MYO16: variants seen among roughly 807,000 people sequenced by gnomAD.
MYO16 encodes myosin XVI.
Under a neutral mutation model 205.3 loss-of-function variants are expected in MYO16, and 94 were observed. The observed-to-expected ratio is 0.46, with a 90% CI of 0.39 to 0.54. The LOEUF (loss-of-function observed/expected upper bound fraction) is 0.54. MYO16 is among the 20% of genes least tolerant of loss of function. The probability of loss-of-function intolerance (pLI) is 0.00; values close to 1 mark genes in which losing one functional copy is unlikely to be tolerated. For missense variants in MYO16, 2,315 were observed against 2,387.5 expected, an observed-to-expected ratio of 0.97 and a Z score of 0.63; for synonymous variants, 988 against 954.0, an observed-to-expected ratio of 1.04 and a Z score of -0.66.
At chr13:108,670,686 A>G (rs1262865902) in intron 2 of MYO16, among the ~76,000 whole-genome samples, 1 of 152,226 alleles carries the variant, frequency 6.6e-6, no homozygotes, top group Non-Finnish European at 1.5e-5. Context: ...AATTTCAGTA[A>G]TGGTTCGGCA....
At chr13:108,680,629 C>T (rs7989335) in intron 2 of MYO16, among the ~76,000 whole-genome samples, 3,512 of 152,246 alleles carry the variant, frequency 0.023, 120 homozygotes, top group African/African-American at 0.079. Context: ...TAATCCATAG[C>T]TTATGTTTCT....
chr13:109,023,248 AT>A, intron 23 of MYO16, among the ~76,000 whole-genome samples: 1 of 107,258 alleles, frequency 9.3e-6, no homozygotes, highest in Admixed American at 1.3e-4. Context: ...ATAAATATAT[AT>A]ATTTATATAT....
intron 4 of MYO16, among the ~76,000 whole-genome samples, chr13:108,765,164 C>T (rs1379529653): frequency 2.3e-5 from 3 of 132,446 alleles, no homozygotes; most frequent in East Asian, 3.4e-4. Context: ...TATAGCCTAT[C>T]CTTTCATATG....
chr13:109,056,667 G>C (rs1009542533), intron 27 of MYO16, among the ~76,000 whole-genome samples: 18 of 152,072 alleles, frequency 1.2e-4, no homozygotes, highest in Admixed American at 9.2e-4. Flanking sequence ...ATATTACAAA[G>C]TGTTACAGAA....
intron 28 of MYO16, among the ~76,000 whole-genome samples, chr13:109,117,385 C>CGT (rs952693213): frequency 7.1e-6 from 1 of 140,758 alleles, no homozygotes; most frequent in African/African-American, 2.7e-5. Flanking sequence ...ATAATATATG[C>CGT]GTGTGTATAT....
chr13:109,098,217 G>A (rs958163613), intron 27 of MYO16, among the ~76,000 whole-genome samples: 3 of 152,144 alleles, frequency 2.0e-5, no homozygotes, highest in Non-Finnish European at 4.4e-5. Context: ...TTGCGGTTCA[G>A]GCGTGAATAT....
At chr13:108,902,137 T>C (rs544925246) in intron 15 of MYO16, among the ~76,000 whole-genome samples, 1 of 152,306 alleles carries the variant, frequency 6.6e-6, no homozygotes, top group South Asian at 2.1e-4. Flanking sequence ...TTATGCGTAC[T>C]ATAAAGAGCA....
At chr13:108,975,208 A>G (rs1884208183) in intron 20 of MYO16, among the ~76,000 whole-genome samples, 1 of 151,754 alleles carries the variant, frequency 6.6e-6, no homozygotes, top group Admixed American at 6.6e-5. Context: ...TTTTATTAAA[A>G]AGGCCACTAT....
At chr13:108,960,178 A>G (rs1301400196) in intron 17 of MYO16, among the ~76,000 whole-genome samples, 2 of 150,992 alleles carry the variant, frequency 1.3e-5, no homozygotes, top group African/African-American at 2.4e-5. Context: ...AAGAGGCTGA[A>G]GTGGGAGGAT....
At chr13:109,178,788 A>G (rs540696925) in intron 33 of MYO16, among the ~76,000 whole-genome samples, 42 of 152,290 alleles carry the variant, frequency 2.8e-4, no homozygotes, top group African/African-American at 9.6e-4. Flanking sequence ...GGTGGAGGTC[A>G]GGGATGCATG....
chr13:108,957,126 C>G (rs757959912), intron 16 of MYO16, among the ~76,000 whole-genome samples: 3 of 152,126 alleles, frequency 2.0e-5, no homozygotes, highest in Non-Finnish European at 4.4e-5. Flanking sequence ...TGGCTCACGC[C>G]TGTAATCCCA....
intron 6 of MYO16, among the ~76,000 whole-genome samples, chr13:108,800,996 T>C (rs1886953392): frequency 6.6e-6 from 1 of 152,206 alleles, no homozygotes; most frequent in Admixed American, 6.5e-5. Flanking sequence ...AATGTTAATA[T>C]CGTTGATTAT....
intron 12 of MYO16, among the ~76,000 whole-genome samples, chr13:108,879,811 G>A (rs567999652): frequency 3.5e-4 from 53 of 152,092 alleles, no homozygotes; most frequent in Non-Finnish European, 6.5e-4. Flanking sequence ...GAGTAGTGCC[G>A]CAATAAACAT....
intron 1 of MYO16, among the ~76,000 whole-genome samples, chr13:108,656,200 A>T (rs1018254587): frequency 2.0e-5 from 3 of 152,080 alleles, no homozygotes; most frequent in Non-Finnish European, 2.9e-5. Context: ...CCAGTTGGAG[A>T]TAATTTGAAT....
chr13:108,683,219 C>A (rs1029361664), intron 2 of MYO16, among the ~76,000 whole-genome samples: 11 of 152,102 alleles, frequency 7.2e-5, no homozygotes, highest in African/African-American at 2.7e-4. Flanking sequence ...ATTCAATTCT[C>A]GATATAAGTG....
chr13:108,694,658 T>A (rs1883022036), intron 2 of MYO16, among the ~76,000 whole-genome samples: 1 of 152,228 alleles, frequency 6.6e-6, no homozygotes, highest in Admixed American at 6.5e-5. Flanking sequence ...TCTCATTCTG[T>A]GGGTTTTTAA....
intron 4 of MYO16, among the ~76,000 whole-genome samples, chr13:108,737,079 G>A (rs1884729266): frequency 2.6e-5 from 4 of 152,160 alleles, no homozygotes; most frequent in Admixed American, 2.6e-4. Context: ...CATGTCATCT[G>A]CAAACAGGGA....
intron 27 of MYO16, among the ~76,000 whole-genome samples, chr13:109,072,276 C>A (rs529186157): frequency 6.6e-6 from 1 of 152,264 alleles, no homozygotes; most frequent in South Asian, 2.1e-4. Flanking sequence ...TGTCTTTTCC[C>A]ATTCTGGATC....
intron 1 of MYO16, among the ~76,000 whole-genome samples, chr13:108,619,362 T>C (rs1441954637): frequency 2.0e-5 from 3 of 152,184 alleles, no homozygotes; most frequent in Non-Finnish European, 4.4e-5. Flanking sequence ...TTCCCTGCTA[T>C]ACTCTTAAAT....
Sources: gnomAD v4.1 joint callset for allele counts (sites outside exome capture counted in the v4.1 genomes callset) on GRCh38, gnomAD v4.1.1 for gene constraint, MANE v1.5 for transcripts, NCBI Gene and HGNC (gene_info 2026-07-23, HGNC 2026-07-21) for gene names.